Variants in TNKS2 observed in about 807,000 individuals in gnomAD.
TNKS2 encodes tankyrase 2.
TNKS2 carries 72 observed loss-of-function variants against 137.6 expected under a neutral mutation model. The ratio of observed to expected loss-of-function variants is 0.52; its 90% confidence interval spans 0.43 to 0.64. TNKS2 has a LOEUF of 0.64. TNKS2 is among the 30% of genes least tolerant of loss of function. TNKS2 has a pLI of 0.00. For synonymous variants in TNKS2, 516 were observed against 512.1 expected, an observed-to-expected ratio of 1.01 and a Z score of -0.10; for missense variants, 1,049 against 1,410.2, an observed-to-expected ratio of 0.74 and a Z score of 4.10.
At position 91,828,321 on chromosome 10, in the gene TNKS2, G is replaced by T. The variant is rs146154837; in HGVS notation, c.1019G>T (p.Arg340Leu). The T allele has an allele frequency of 1.2e-6, 2 of 1,605,526 alleles. No homozygotes were observed. The highest frequency in any genetic ancestry group is 1.7e-6 in the Non-Finnish European group (2 of 1,176,616). ...FKGHSLLQAA[R>L]EADVTRIKKH... ...GGCCACTCGTTGCTGCAAGCTGCAC[G>T]AGAAGCTGATGTTACTCGAATCAAA... The change falls in exon 9 of 27, where the codon CGA becomes CTA. Residue 340 changes from arginine to leucine, a missense_variant. Arg to Leu is a moderately radical substitution (Grantham distance 102, BLOSUM62 -2). Transcript: ENST00000371627.
intron 2 of TNKS2, among the ~76,000 whole-genome samples, chr10:91,813,882 G>A (rs1844587507): frequency 6.6e-6 from 1 of 152,118 alleles, no homozygotes; most frequent in Non-Finnish European, 1.5e-5. Flanking sequence ...GGTGTTTATG[G>A]TGATGCTGGG....
At chr10:91,823,094 A>G (rs1844953470) in intron 7 of TNKS2, among the ~76,000 whole-genome samples, 1 of 151,958 alleles carries the variant, frequency 6.6e-6, no homozygotes, top group South Asian at 2.1e-4. Context: ...AAGTGATTCC[A>G]TAATTTATAG....
chr10:91,837,989 A>AT (rs143159392), intron 13 of TNKS2, among the ~76,000 whole-genome samples: 15,918 of 125,414 alleles, frequency 0.13, 1,107 homozygotes, highest in Middle Eastern at 0.23. Flanking sequence ...TTGTGAACTG[A>AT]TTTTTTTTTC....
Position 91,819,258 on chromosome 10 carries a change from T to TC in TNKS2, c.521-11dup, listed in dbSNP as rs397803943. 2.8e-5 allele frequency: 39 copies of TC among 1,412,902 alleles called. No homozygotes were observed. The South Asian group carries it at 5.4e-4, about 20-fold the overall frequency. The allele number at this position is 1,412,902 out of a possible 1,614,324, so 87.5% of individuals were successfully genotyped here. ...TTTAATTTCTATACTTTTTTTTTTT[T>TC]CTAATTCACAGGTGAATATAAGAAA... On this transcript the variant is annotated splice_polypyrimidine_tract_variant and intron_variant, in intron 3 of 26. Coordinates refer to ENST00000371627, the MANE Select transcript of TNKS2 (RefSeq NM_025235.4).
intron 22 of TNKS2, 104 bp downstream of exon 22, chr10:91,855,230 C>A: frequency 1.4e-6 from 1 of 733,704 alleles, no homozygotes. Flanking sequence ...ATAATTTTCA[C>A]CTATAAAATC....
intron 18 of TNKS2, among the ~76,000 whole-genome samples, chr10:91,846,453 G>A (rs1842375140): frequency 6.6e-6 from 1 of 152,152 alleles, no homozygotes; most frequent in Non-Finnish European, 1.5e-5. Context: ...CCACTTTCCT[G>A]TGGAGGTCCT....
intron 9 of TNKS2, 98 bp from the exon 10 acceptor site, chr10:91,830,825 A>G: frequency 2.8e-6 from 3 of 1,057,200 alleles, no homozygotes; most frequent in South Asian, 1.7e-5. Context: ...AAACAAAAAG[A>G]TTAAATAACT....
At chr10:91,814,288 A>C (rs1284820254) in intron 2 of TNKS2, among the ~76,000 whole-genome samples, 3 of 152,180 alleles carry the variant, frequency 2.0e-5, no homozygotes, top group East Asian at 1.9e-4. Context: ...AATAGAGAAA[A>C]GCTTATAGAA....
chr10:91,807,203 G>A (rs1844349665), intron 1 of TNKS2: 2 of 1,606,764 alleles, frequency 1.2e-6, no homozygotes, highest in Non-Finnish European at 1.7e-6. Flanking sequence ...TGGTAACATT[G>A]CGGGCTTCCT....
intron 2 of TNKS2, 130 bp from the exon 3 acceptor site, chr10:91,817,004 C>A: frequency 1.8e-6 from 1 of 569,208 alleles, no homozygotes; most frequent in Non-Finnish European, 3.2e-6. Context: ...CATTCCCATT[C>A]TGACAAGATA....
intron 3 of TNKS2, among the ~76,000 whole-genome samples, chr10:91,818,488 T>G (rs1727091192): frequency 6.6e-6 from 1 of 152,132 alleles, no homozygotes; most frequent in Admixed American, 6.5e-5. Flanking sequence ...GTTGGTATAT[T>G]GAGTTTTGTT....
intron 1 of TNKS2, among the ~76,000 whole-genome samples, chr10:91,800,649 T>C (rs1844136764): frequency 6.6e-6 from 1 of 152,114 alleles, no homozygotes; most frequent in African/African-American, 2.4e-5. Flanking sequence ...TTACCCAAAT[T>C]ATCAGGTATA....
intron 12 of TNKS2, among the ~76,000 whole-genome samples, chr10:91,835,885 G>A (rs1351869229): frequency 1.4e-5 from 1 of 69,870 alleles, no homozygotes; most frequent in Non-Finnish European, 3.1e-5. Context: ...TGGGATTACA[G>A]GCATGAGCCA....
intron 7 of TNKS2, among the ~76,000 whole-genome samples, chr10:91,823,878 A>G (rs953889369): frequency 2.6e-5 from 4 of 152,300 alleles, no homozygotes; most frequent in East Asian, 3.9e-4. Context: ...CAACTTTATA[A>G]TAATAATTAG....
rs73327842 is a variant in TNKS2 at position 91,855,164 on chromosome 10, A to G, written c.2913+38A>G. ...AACTTCAATAGTAGGTTTGCCGTAT[A>G]TATTTAGTTCACTTTGTATCCTCTT... On this transcript the variant is annotated intron_variant, in intron 22 of 26. Coordinates refer to ENST00000371627, the MANE Select transcript of TNKS2 (RefSeq NM_025235.4). 1.7e-4 allele frequency: 211 copies of G among 1,243,098 alleles called. No homozygotes were observed. The African/African-American group carries it at 2.7e-3, about 16-fold the overall frequency. The allele number at this position is 1,243,098 out of a possible 1,614,324, so 77.0% of individuals were successfully genotyped here.
In TNKS2 at chr10:91,827,078, C is replaced by T. The variant is rs760577309; in HGVS notation, c.857C>T (p.Ser286Phe). The change falls in exon 8 of 27, where the codon TCT becomes TTT. Residue 286 changes from serine (S) to phenylalanine (F), a missense_variant. Ser to Phe is a radical substitution (Grantham distance 155). This residue lies in a region of TNKS2 where 374 missense variants were observed against 460.8 expected (regional missense o/e 0.81). Coordinates refer to ENST00000371627, the MANE Select transcript of TNKS2 (RefSeq NM_025235.4). ...WQFTPLHEAA[S>F]KNRVEVCSLL... ...TTCACTCCTCTTCATGAGGCAGCTTCTAAGAACAGGGTTGAAGTATGTTCT... is the reference window on the plus strand; with the variant it reads ...TTCACTCCTCTTCATGAGGCAGCTTTTAAGAACAGGGTTGAAGTATGTTCT... 119 of 1,607,982 alleles carry T rather than the reference C, an allele frequency of 7.4e-5. No homozygotes were observed. The highest frequency in any genetic ancestry group is 9.3e-5 in the Non-Finnish European group (110 of 1,177,082).
chr10:91,829,383 G>C (rs1845165641), intron 9 of TNKS2, among the ~76,000 whole-genome samples: 1 of 152,062 alleles, frequency 6.6e-6, no homozygotes, highest in African/African-American at 2.4e-5. Flanking sequence ...TGGAAAGACT[G>C]ACATGGAAAA....
Position 91,862,955 on chromosome 10 carries a change from A to G in TNKS2, c.3457A>G (p.Ile1153Val). Residue 1153 changes from isoleucine (I) to valine (V), a missense_variant, in exon 27 of 27, where the codon ATT (isoleucine) becomes GTT (valine). Coordinates refer to ENST00000371627, the MANE Select transcript of TNKS2 (RefSeq NM_025235.4). ...RGEQAYPEYLITYQIMRPEGM... is the reference protein window; with the variant it reads ...RGEQAYPEYLVTYQIMRPEGM... ...CTTCCAGGCTTATCCTGAGTATTTAATTACTTACCAGATTATGAGGCCTGA... is the reference window on the plus strand; with the variant it reads ...CTTCCAGGCTTATCCTGAGTATTTAGTTACTTACCAGATTATGAGGCCTGA... 6.2e-7 allele frequency: 1 copy of G among 1,606,890 alleles called. No homozygotes were observed. The highest frequency in any genetic ancestry group is 8.5e-7 in the Non-Finnish European group (1 of 1,175,622).
At chr10:91,835,718 C>G (rs1315812895) in intron 12 of TNKS2, among the ~76,000 whole-genome samples, 1 of 151,244 alleles carries the variant, frequency 6.6e-6, no homozygotes, top group African/African-American at 2.4e-5. Flanking sequence ...ACCTCTGCCT[C>G]CCAGGTTCAA....
Sources: gnomAD v4.1 joint callset for allele counts (sites outside exome capture counted in the v4.1 genomes callset) on GRCh38, gnomAD v4.1.1 for gene constraint, gnomAD v4.1.1 regional missense constraint, MANE v1.5 for transcripts, NCBI Gene and HGNC (gene_info 2026-07-23, HGNC 2026-07-21) for gene names.